HTT: variants seen among roughly 807,000 people sequenced by gnomAD.
HTT encodes the protein huntington disease protein.
HTT carries 104 observed loss-of-function variants against 362.3 expected under a neutral mutation model. The ratio of observed to expected loss-of-function variants is 0.29; its 90% CI spans 0.24 to 0.34. HTT has a LOEUF of 0.34. Among genes scored for constraint, HTT ranks in the 10% least tolerant of loss-of-function variants. The pLI is 1.00. For missense variants in HTT, 3,301 were observed against 3,928.6 expected, an observed-to-expected ratio of 0.84 and a Z score of 4.27; for synonymous variants, 1,577 against 1,548.7, an observed-to-expected ratio of 1.02 and a Z score of -0.43.
chr4:3,234,654 A>G (rs952337560), intron 61 of HTT, among the ~76,000 whole-genome samples: 5 of 152,150 alleles, frequency 3.3e-5, no homozygotes, highest in Non-Finnish European at 5.9e-5. Flanking sequence ...CCAGGTAGAA[A>G]TGGTGCGTGG....
chr4:3,217,101 C>T (rs1248566357), intron 51 of HTT, among the ~76,000 whole-genome samples: 1 of 152,152 alleles, frequency 6.6e-6, no homozygotes, highest in East Asian at 1.9e-4. Context: ...AGAAGTCCTT[C>T]TCTATCCTAG....
At chr4:3,190,920 T>C (rs1379176617) in intron 40 of HTT, among the ~76,000 whole-genome samples, 2 of 152,242 alleles carry the variant, frequency 1.3e-5, no homozygotes, top group Non-Finnish European at 2.9e-5. Flanking sequence ...AAGGCAATTC[T>C]AATTTCTAGT....
intron 37 of HTT, among the ~76,000 whole-genome samples, chr4:3,185,680 A>T (rs539353542): frequency 1.5e-3 from 225 of 152,334 alleles, no homozygotes; most frequent in African/African-American, 5.2e-3. Context: ...TGGGAGGCCA[A>T]GGCAGGCAGA....
chr4:3,209,480 T>C (rs1720030908), intron 46 of HTT, among the ~76,000 whole-genome samples: 1 of 152,200 alleles, frequency 6.6e-6, no homozygotes, highest in Non-Finnish European at 1.5e-5. Flanking sequence ...CTCTATTCGC[T>C]AAGCACCTGC....
chr4:3,197,793 C>T (rs1719325618), intron 40 of HTT, among the ~76,000 whole-genome samples: 1 of 152,220 alleles, frequency 6.6e-6, no homozygotes, highest in Admixed American at 6.5e-5. Flanking sequence ...CACTCAGCCA[C>T]CTAGAACACA....
At position 3,243,912 on chromosome 4, in the gene HTT, G is replaced by A. The variant is rs1206776424; in HGVS notation, c.*3853G>A. 3 of 152,244 alleles carry A rather than the reference G, an allele frequency of 2.0e-5. No homozygotes were observed. Among genetic ancestry groups the A allele is most frequent in the African/African-American group, 7.2e-5 (3 of 41,468 alleles). The allele number at this position is 152,244 out of a possible 1,614,324, so 9.4% of individuals were successfully genotyped here. A position where few individuals can be genotyped will look rare whatever the true frequency, so the allele number is the denominator to read the frequency against. The stretch of plus-strand genomic sequence containing the variant: ...GAGATGTATATTTAATTTTTTAACT[G>A]CTGCAAACATTGTACATCCAAATTA... On this transcript the variant is annotated 3_prime_UTR_variant, in exon 67 of 67. Transcript: ENST00000355072.
intron 49 of HTT, chr4:3,212,979 A>T (rs1192069732): frequency 2.5e-6 from 1 of 400,114 alleles, no homozygotes; most frequent in African/African-American, 2.0e-5. Flanking sequence ...TTTTAGAGAC[A>T]TGAAAAATAA....
In HTT at chr4:3,130,024, A is replaced by G. The variant is rs1291794655; in HGVS notation, c.1844A>G (p.Glu615Gly). Residue 615 changes from glutamate (E) to glycine (G), a missense_variant, in exon 13 of 67, where the codon GAG (glutamate) becomes GGG (glycine). By Grantham distance (98) the Glu-to-Gly change is moderately conservative. Transcript: ENST00000355072. ...GGTATTCTTCCTGATGAAGCCTCGG[A>G]GGCCTTCAGGAACTCTTCCATGGGT... ...ATGILPDEAS[E>G]AFRNSSMALQ... is the part of the protein sequence containing the mutation. 4.3e-6 allele frequency: 7 copies of G among 1,612,256 alleles called. No individual in the cohort carries two copies. The African/African-American group carries it at 8.0e-5, about 18-fold the overall frequency.
chr4:3,099,445 T>G, intron 3 of HTT, 51 bp downstream of exon 3: 1 of 1,606,038 alleles, frequency 6.2e-7, no homozygotes, highest in South Asian at 1.1e-5. Flanking sequence ...TGTTGTAGGC[T>G]GAGAGAAGAA....
intron 54 of HTT, among the ~76,000 whole-genome samples, 160 bp from the exon 55 acceptor site, chr4:3,223,246 G>T (rs1720759384): frequency 6.6e-6 from 1 of 152,256 alleles, no homozygotes; most frequent in African/African-American, 2.4e-5. Flanking sequence ...GTGTGCGGAG[G>T]CCCTGCCTTG....
chr4:3,165,433 A>T (rs1000331312), intron 29 of HTT, among the ~76,000 whole-genome samples: 3 of 151,944 alleles, frequency 2.0e-5, no homozygotes, highest in Admixed American at 6.6e-5. Flanking sequence ...TGTTCTCTGT[A>T]TTTCCTGAAT....
At position 3,228,590 on chromosome 4, in the gene HTT, G is replaced by C; in HGVS notation, c.7849-25G>C. 1 of 1,541,502 alleles carries C rather than the reference G, an allele frequency of 6.5e-7. No individual in the cohort carries two copies. Among genetic ancestry groups the C allele is most frequent in the African/African-American group, 1.4e-5 (1 of 72,692 alleles). ...AGCCTGGCACTGTGGCCGCAGCACT[G>C]AGCAGTGCCCCGTTTCTGTGGCAGG... On this transcript the variant is annotated intron_variant, in intron 57 of 66. Transcript: ENST00000355072. The surrounding 1 kb of genome is among the most constrained non-coding windows in gnomAD (Gnocchi z 4.3).
At chr4:3,137,592 G>A (rs562427645) in intron 21 of HTT, among the ~76,000 whole-genome samples, 107 of 152,248 alleles carry the variant, frequency 7.0e-4, no homozygotes, top group Admixed American at 2.2e-3. Flanking sequence ...CCAGCTACTC[G>A]GGAGGCTGAG....
intron 14 of HTT, 89 bp downstream of exon 14, chr4:3,130,512 T>A (rs1357483510): frequency 1.5e-6 from 1 of 686,858 alleles, no homozygotes; most frequent in Admixed American, 2.5e-5. Flanking sequence ...TTTATTGCTT[T>A]CCCATCCCTG....
rs954126181 is a variant in HTT at position 3,243,226 on chromosome 4, C to T, written c.*3167C>T. 6.5e-5 allele frequency: 10 copies of T among 152,782 alleles called. No individual in the cohort carries two copies. Among genetic ancestry groups the T allele is most frequent in the African/African-American group, 2.4e-4 (10 of 41,574 alleles). The allele number at this position is 152,782 out of a possible 1,614,324, so 9.5% of individuals were successfully genotyped here. On this transcript the variant is annotated 3_prime_UTR_variant, in exon 67 of 67. Coordinates refer to ENST00000355072, the MANE Select transcript of HTT (RefSeq NM_001388492.1). ...GTTGCGGGGTGGAGTGAGGTTAGTT[C>T]TGTGTGTCTGGTGGGTGGAGTCAGG... is the stretch of plus-strand genomic sequence containing the variant.
chr4:3,127,192 T>C, intron 11 of HTT, 72 bp from the exon 12 acceptor site: 1 of 1,142,558 alleles, frequency 8.8e-7, no homozygotes, highest in Non-Finnish European at 1.3e-6. Context: ...TGTTCGTTAT[T>C]TTGCAAGCCT....
intron 31 of HTT, among the ~76,000 whole-genome samples, chr4:3,173,820 C>T (rs1718106753): frequency 1.3e-5 from 2 of 152,078 alleles, no homozygotes; most frequent in Admixed American, 1.3e-4. Context: ...AGGCGCCTGC[C>T]ATCACGCCTG....
At chr4:3,085,416 G>A (rs377359906) in intron 1 of HTT, among the ~76,000 whole-genome samples, 2 of 152,160 alleles carry the variant, frequency 1.3e-5, no homozygotes, top group Non-Finnish European at 2.9e-5. Context: ...GATTACAGGC[G>A]TGAGCCACAC....
chr4:3,175,779 A>G (rs1382182387), intron 33 of HTT, among the ~76,000 whole-genome samples: 1 of 152,202 alleles, frequency 6.6e-6, no homozygotes, highest in African/African-American at 2.4e-5. Flanking sequence ...TTCATCGTCA[A>G]AATTTAACTG....
Sources: allele counts gnomAD v4.1 joint callset (sites outside exome capture counted in the v4.1 genomes callset), GRCh38; gene constraint gnomAD v4.1.1; non-coding constraint Gnocchi (gnomAD v3.1); transcripts MANE v1.5; gene names NCBI Gene and HGNC (gene_info 2026-07-23, HGNC 2026-07-21).